The following CSMD1 variants were observed in gnomAD, a reference collection of about 807,000 sequenced individuals.
CSMD1 encodes the protein CUB and sushi domain-containing protein 1.
Under a neutral mutation model 417.5 loss-of-function variants are expected in CSMD1, and 213 were observed. That is an observed-to-expected ratio of 0.51 (90% CI 0.46 to 0.57). The LOEUF is 0.57. Among genes scored for constraint, CSMD1 ranks in the 20% least tolerant of loss-of-function variants. The pLI, the probability that CSMD1 is intolerant of heterozygous loss-of-function variation, is 0.00. For missense variants in CSMD1, 6,923 were observed against 4,529.7 expected, an observed-to-expected ratio of 1.53 and a Z score of -15.17; for synonymous variants, 2,862 against 1,736.8, an observed-to-expected ratio of 1.65 and a Z score of -16.11.
chr8:3,611,878 T>C (rs904062956), intron 8 of CSMD1, among the ~76,000 whole-genome samples: 3 of 151,970 alleles, frequency 2.0e-5, no homozygotes, highest in African/African-American at 7.3e-5. Flanking sequence ...AATTTTGATG[T>C]AAGAAAATAA....
intron 1 of CSMD1, among the ~76,000 whole-genome samples, chr8:4,778,069 G>T (rs370562517): frequency 6.6e-6 from 1 of 152,048 alleles, no homozygotes. Context: ...ACACACACAG[G>T]CATACTGGTG....
At chr8:3,634,076 G>A (rs540928406) in intron 7 of CSMD1, among the ~76,000 whole-genome samples, 6 of 152,230 alleles carry the variant, frequency 3.9e-5, no homozygotes, top group Admixed American at 2.6e-4. Flanking sequence ...AGGGGGTGGT[G>A]GGGGGAGGGG....
chr8:3,575,236 T>G (rs1483471423), intron 9 of CSMD1, among the ~76,000 whole-genome samples, 170 bp from the exon 10 acceptor site: 1 of 151,924 alleles, frequency 6.6e-6, no homozygotes, highest in East Asian at 1.9e-4. Flanking sequence ...GCAAGTGGAT[T>G]GCTCAGCCGG....
chr8:4,535,601 T>C (rs1797063598), intron 2 of CSMD1, among the ~76,000 whole-genome samples: 1 of 152,204 alleles, frequency 6.6e-6, no homozygotes, highest in Non-Finnish European at 1.5e-5. Flanking sequence ...ATAGCATCTC[T>C]GTTCTGTGAA....
chr8:4,050,351 G>T (rs886635894), intron 3 of CSMD1, among the ~76,000 whole-genome samples: 1 of 152,078 alleles, frequency 6.6e-6, no homozygotes, highest in Non-Finnish European at 1.5e-5. Flanking sequence ...ACCCACTAAA[G>T]TAATTAATCA....
At chr8:3,148,059 T>C (rs1818952859) in intron 40 of CSMD1, among the ~76,000 whole-genome samples, 1 of 152,174 alleles carries the variant, frequency 6.6e-6, no homozygotes, top group South Asian at 2.1e-4. Context: ...ATCTCCCTGC[T>C]TGTCCCATTA....
intron 3 of CSMD1, among the ~76,000 whole-genome samples, chr8:4,366,930 A>G (rs1018947594): frequency 6.6e-6 from 1 of 152,190 alleles, no homozygotes; most frequent in East Asian, 1.9e-4. Flanking sequence ...AGTTCCCTAC[A>G]GATTCTTGAT....
At chr8:3,945,242 A>G (rs1365625219) in intron 5 of CSMD1, among the ~76,000 whole-genome samples, 1 of 152,040 alleles carries the variant, frequency 6.6e-6, no homozygotes, top group Non-Finnish European at 1.5e-5. Flanking sequence ...TAGACGTGAA[A>G]AATTAATATA....
rs1052993054 is a variant in CSMD1 at position 3,407,795 on chromosome 8, C to A, written c.2071+104G>T. 8 of 967,254 alleles carry A rather than the reference C, an allele frequency of 8.3e-6. No individual in the cohort carries two copies. In the East Asian group the frequency reaches 1.1e-4, roughly 13 times the overall value. The allele number at this position is 967,254 out of a possible 1,614,324, so 59.9% of individuals were successfully genotyped here. On this transcript the variant is annotated intron_variant, in intron 14 of 69. Coordinates refer to ENST00000635120, the MANE Select transcript of CSMD1 (RefSeq NM_033225.6). Reference sequence around the variant, plus strand: ...CATTTTCATAATGATTATAAAACCTCTGAAGTATCAACCTTGAAATGCAAC... The same window carrying A: ...CATTTTCATAATGATTATAAAACCTATGAAGTATCAACCTTGAAATGCAAC...
At chr8:3,919,904 T>C (rs1186385973) in intron 5 of CSMD1, among the ~76,000 whole-genome samples, 3 of 152,118 alleles carry the variant, frequency 2.0e-5, no homozygotes, top group African/African-American at 7.2e-5. Context: ...CAAAATGAGA[T>C]TTTTTTGGGA....
chr8:3,971,276 C>A (rs1021257633), intron 5 of CSMD1, among the ~76,000 whole-genome samples: 4 of 152,212 alleles, frequency 2.6e-5, no homozygotes, highest in African/African-American at 9.7e-5. Context: ...ACTGTGATTT[C>A]TATTCTCCTC....
intron 3 of CSMD1, among the ~76,000 whole-genome samples, chr8:4,218,329 G>T (rs1036178438): frequency 1.3e-5 from 2 of 152,098 alleles, no homozygotes; most frequent in Non-Finnish European, 2.9e-5. Context: ...ATTCATTAAT[G>T]CAGAATATTC....
rs1468917923 is a variant in CSMD1 at position 3,287,071 on chromosome 8, T to G, written c.3951-2725A>C. Among the ~76,000 whole-genome samples the G allele has an allele frequency of 4.6e-5, 7 of 152,142 alleles. No individual in the cohort carries two copies. The South Asian group carries it at 1.2e-3, about 27-fold the overall frequency. On this transcript the variant is annotated intron_variant, in intron 25 of 69. Coordinates refer to ENST00000635120, the MANE Select transcript of CSMD1 (RefSeq NM_033225.6). ...AGCCAGTTTTCCCAGCACCATTTAT[T>G]AAATAGGGAATGCTTTCCCCATTGC...
At chr8:3,502,110 A>G (rs1038273549) in intron 10 of CSMD1, among the ~76,000 whole-genome samples, 1 of 152,102 alleles carries the variant, frequency 6.6e-6, no homozygotes, top group African/African-American at 2.4e-5. Context: ...GTCCACACAA[A>G]TCCCAGCACT....
At chr8:4,090,238 A>G (rs1317254385) in intron 3 of CSMD1, among the ~76,000 whole-genome samples, 1 of 152,204 alleles carries the variant, frequency 6.6e-6, no homozygotes, top group Non-Finnish European at 1.5e-5. Flanking sequence ...GTTTTTGAGA[A>G]GTTATCACGT....
chr8:3,782,431 C>T (rs1202318849), intron 5 of CSMD1, among the ~76,000 whole-genome samples: 1 of 152,102 alleles, frequency 6.6e-6, no homozygotes, highest in Non-Finnish European at 1.5e-5. Context: ...TTCAACAACC[C>T]TGAATTCAGG....
intron 3 of CSMD1, among the ~76,000 whole-genome samples, chr8:4,298,218 A>G (rs913223268): frequency 6.6e-6 from 1 of 152,196 alleles, no homozygotes; most frequent in Non-Finnish European, 1.5e-5. Flanking sequence ...AAATAATGCC[A>G]ATCTTTGCTT....
intron 26 of CSMD1, among the ~76,000 whole-genome samples, chr8:3,247,202 TG>T (rs1281190406): frequency 2.0e-5 from 3 of 152,150 alleles, no homozygotes; most frequent in Non-Finnish European, 4.4e-5. Flanking sequence ...TGATTTGATA[TG>T]TAAAAGTCCT....
chr8:3,866,109 T>A (rs537654177), intron 5 of CSMD1, among the ~76,000 whole-genome samples: 10 of 152,198 alleles, frequency 6.6e-5, no homozygotes, highest in Non-Finnish European at 1.5e-4. Flanking sequence ...AAGGATTACA[T>A]TATTCCATAT....
Sources: allele counts gnomAD v4.1 joint callset (sites outside exome capture counted in the v4.1 genomes callset), GRCh38; gene constraint gnomAD v4.1.1; transcripts MANE v1.5; gene names NCBI Gene and HGNC (gene_info 2026-07-23, HGNC 2026-07-21).